PIP5K1B: variants seen among roughly 807,000 people sequenced by gnomAD.
PIP5K1B encodes the protein phosphatidylinositol 4-phosphate 5-kinase type-1 beta.
A neutral mutation model predicts 67.0 loss-of-function variants in PIP5K1B; 42 were observed. The ratio of observed to expected loss-of-function variants is 0.63; its 90% CI spans 0.49 to 0.81. The LOEUF (loss-of-function observed/expected upper bound fraction) is 0.81. Ranked by LOEUF, PIP5K1B falls within the 30% of genes least tolerant of loss-of-function variation. The pLI, the probability that PIP5K1B is intolerant of heterozygous loss-of-function variation, is 0.00. For missense variants in PIP5K1B, 459 were observed against 646.3 expected (o/e 0.71, Z 3.14); for synonymous variants, 214 against 231.4 (o/e 0.92, Z 0.68).
intron 11 of PIP5K1B, among the ~76,000 whole-genome samples, chr9:68,922,281 A>G (rs7022925): frequency 0.76 from 115,143 of 151,774 alleles, 44,070 homozygotes; most frequent in Admixed American, 0.84. Context: ...CCTGGCCAAC[A>G]TGGTCAAAAC....
intron 14 of PIP5K1B, among the ~76,000 whole-genome samples, chr9:68,985,093 A>G (rs1830043036): frequency 6.6e-6 from 1 of 152,222 alleles, no homozygotes; most frequent in Non-Finnish European, 1.5e-5. Context: ...GCAGCAATGC[A>G]GAGGACATGC....
chr9:68,780,087 CGGCGGCGG>C, intron 2 of PIP5K1B: 10 of 1,411,132 alleles, frequency 7.1e-6, no homozygotes, highest in South Asian at 1.7e-5. Context: ...GCGGCGGCAG[CGGCGGCGG>C]CCCTGGACTG....
chr9:68,962,437 C>A (rs1828803154), intron 14 of PIP5K1B, among the ~76,000 whole-genome samples: 1 of 152,148 alleles, frequency 6.6e-6, no homozygotes, highest in Admixed American at 6.5e-5. Context: ...AAGCTTCTGG[C>A]CAAGTCATGA....
intron 4 of PIP5K1B, among the ~76,000 whole-genome samples, chr9:68,851,824 C>G (rs1242884247): frequency 6.6e-6 from 1 of 152,214 alleles, no homozygotes; most frequent in Non-Finnish European, 1.5e-5. Context: ...TTTGTGCCCC[C>G]TCTTCCAAAG....
chr9:68,818,168 T>G (rs1181197312), intron 2 of PIP5K1B, among the ~76,000 whole-genome samples: 1 of 152,254 alleles, frequency 6.6e-6, no homozygotes, highest in Non-Finnish European at 1.5e-5. Context: ...ATTGTGCATC[T>G]GGTAACTGAT....
chr9:68,761,375 C>T (rs1336492), intron 2 of PIP5K1B, among the ~76,000 whole-genome samples: 89,932 of 151,940 alleles, frequency 0.59, 26,857 homozygotes, highest in South Asian at 0.64. Flanking sequence ...GGAAGAAATA[C>T]TCACATGCTT....
chr9:68,979,118 T>C (rs923819871), intron 14 of PIP5K1B, among the ~76,000 whole-genome samples: 1 of 152,222 alleles, frequency 6.6e-6, no homozygotes, highest in Non-Finnish European at 1.5e-5. Context: ...AATTGAACCA[T>C]GGTTGCTGGG....
chr9:68,875,122 G>A (rs1164782344), intron 5 of PIP5K1B, among the ~76,000 whole-genome samples: 1 of 151,758 alleles, frequency 6.6e-6, no homozygotes, highest in Non-Finnish European at 1.5e-5. Context: ...TGATTTGGGG[G>A]TCATTCCTTA....
In PIP5K1B at chr9:68,987,533, G is replaced by T. The variant is rs12351479; in HGVS notation, c.1503-3607G>T. Among the ~76,000 whole-genome samples the T allele has an allele frequency of 5.4e-3, 823 of 152,278 alleles. 7 individuals carry two copies. Among genetic ancestry groups the T allele is most frequent in the African/African-American group, 0.019 (772 of 41,564 alleles). ...GCCAAGATCATGCCATTGCACTCTA[G>T]CCTGGGCAACAGAGCGAGACTCCAT... On this transcript the variant is annotated intron_variant, in intron 14 of 15. Coordinates refer to ENST00000265382, the MANE Select transcript of PIP5K1B (RefSeq NM_003558.4).
chr9:68,987,521 C>T (rs1830145019), intron 14 of PIP5K1B, among the ~76,000 whole-genome samples: 1 of 152,138 alleles, frequency 6.6e-6, no homozygotes, highest in Non-Finnish European at 1.5e-5. Flanking sequence ...AAGATCATGC[C>T]ATTGCACTCT....
chr9:68,866,169 T>C (rs1193638952), intron 5 of PIP5K1B, among the ~76,000 whole-genome samples: 1 of 151,932 alleles, frequency 6.6e-6, no homozygotes, highest in Non-Finnish European at 1.5e-5. Flanking sequence ...TGTGCACACC[T>C]GTAATCCCAG....
intron 2 of PIP5K1B, among the ~76,000 whole-genome samples, chr9:68,815,061 A>C (rs947992774): frequency 6.6e-6 from 1 of 152,152 alleles, no homozygotes; most frequent in African/African-American, 2.4e-5. Flanking sequence ...CAAAAAATTG[A>C]CAGTGAAATA....
At chr9:68,722,122 A>T (rs1827917710) in intron 1 of PIP5K1B, among the ~76,000 whole-genome samples, 1 of 152,014 alleles carries the variant, frequency 6.6e-6, no homozygotes, top group Non-Finnish European at 1.5e-5. Context: ...TTATCTCTCC[A>T]AGCAGATTCG....
At chr9:68,996,749 T>C (rs768988939) in intron 15 of PIP5K1B, among the ~76,000 whole-genome samples, 5 of 152,212 alleles carry the variant, frequency 3.3e-5, no homozygotes, top group Non-Finnish European at 7.3e-5. Context: ...CTGAAAAGTG[T>C]ATTGGGAGAG....
intron 14 of PIP5K1B, among the ~76,000 whole-genome samples, chr9:68,982,495 G>A (rs749197846): frequency 1.6e-4 from 24 of 152,114 alleles, no homozygotes; most frequent in East Asian, 3.9e-4. Flanking sequence ...GGTGGCTCAC[G>A]CCTGTAATCC....
chr9:68,899,829 G>A (rs886721176), intron 8 of PIP5K1B, among the ~76,000 whole-genome samples: 2 of 152,172 alleles, frequency 1.3e-5, no homozygotes, highest in African/African-American at 4.8e-5. Flanking sequence ...AAATTGTCAT[G>A]AGGGTTTGCT....
chr9:68,746,203 C>T (rs150391618), intron 2 of PIP5K1B, among the ~76,000 whole-genome samples: 2 of 151,646 alleles, frequency 1.3e-5, no homozygotes, highest in African/African-American at 4.8e-5. Context: ...CTCAGCCTCC[C>T]GAGTAGCTAG....
chr9:69,002,323 T>A (rs188633531), intron 15 of PIP5K1B, among the ~76,000 whole-genome samples: 1 of 152,346 alleles, frequency 6.6e-6, no homozygotes, highest in Non-Finnish European at 1.5e-5. Context: ...TCCAAATATA[T>A]TTTTTAAGTA....
chr9:68,799,339 T>C (rs1185074281), intron 2 of PIP5K1B, among the ~76,000 whole-genome samples: 3 of 152,200 alleles, frequency 2.0e-5, no homozygotes, highest in Non-Finnish European at 4.4e-5. Context: ...GAAGTCCTCT[T>C]AGTTGCACTT....
Sources: gnomAD v4.1 joint callset for allele counts (sites outside exome capture counted in the v4.1 genomes callset) on GRCh38, gnomAD v4.1.1 for gene constraint, MANE v1.5 for transcripts, NCBI Gene and HGNC (gene_info 2026-07-23, HGNC 2026-07-21) for gene names.